The following GTF2H1 variants were observed in gnomAD, a reference collection of about 807,000 sequenced individuals.
GTF2H1 encodes general transcription factor IIH subunit 1.
A neutral mutation model predicts 71.2 loss-of-function variants in GTF2H1; 16 were observed. The observed-to-expected ratio is 0.22, with a 90% CI of 0.15 to 0.34. The LOEUF (loss-of-function observed/expected upper bound fraction) is 0.34, where lower values mean the gene tolerates loss of function less well. Among genes scored for constraint, GTF2H1 ranks in the 10% least tolerant of loss-of-function variants. GTF2H1 has a pLI of 1.00. For synonymous variants in GTF2H1, 215 were observed against 219.0 expected, an observed-to-expected ratio of 0.98 and a Z score of 0.16; for missense variants, 498 against 648.2, an observed-to-expected ratio of 0.77 and a Z score of 2.52.
intron 11 of GTF2H1, among the ~76,000 whole-genome samples, chr11:18,352,922 T>A (rs1865459922): frequency 1.3e-5 from 2 of 152,362 alleles, no homozygotes; most frequent in Non-Finnish European, 2.9e-5. Context: ...CTGCAAGTTG[T>A]CTTTCTAAAA....
chr11:18,355,027 C>T (rs1865510006), intron 11 of GTF2H1, among the ~76,000 whole-genome samples: 1 of 151,966 alleles, frequency 6.6e-6, no homozygotes, highest in Non-Finnish European at 1.5e-5. Flanking sequence ...CCAGGCTGGT[C>T]TTTAACTCCT....
At chr11:18,364,945 C>T (rs1236364854) in intron 14 of GTF2H1, among the ~76,000 whole-genome samples, 2 of 151,802 alleles carry the variant, frequency 1.3e-5, no homozygotes, top group Non-Finnish European at 2.9e-5. Flanking sequence ...GATGTATATA[C>T]GGGGCTGGGC....
intron 1 of GTF2H1, among the ~76,000 whole-genome samples, chr11:18,324,682 T>A (rs1403205364): frequency 6.6e-6 from 1 of 152,032 alleles, no homozygotes; most frequent in Non-Finnish European, 1.5e-5. Context: ...GCCCTTCCTT[T>A]CTCTTTCCTG....
intron 13 of GTF2H1, 87 bp from the exon 14 acceptor site, chr11:18,360,528 G>A: frequency 3.2e-6 from 2 of 632,176 alleles, no homozygotes; most frequent in East Asian, 3.0e-5. Flanking sequence ...TACAAGAAAA[G>A]TAACTTTCAT....
At chr11:18,341,168 TC>T in intron 5 of GTF2H1, 92 bp from the exon 6 acceptor site, 1 of 888,914 alleles carries the variant, frequency 1.1e-6, no homozygotes, top group East Asian at 2.6e-5. Context: ...AGCTTTATGG[TC>T]TAGATTTTGC....
intron 9 of GTF2H1, among the ~76,000 whole-genome samples, chr11:18,350,369 A>G (rs1215431922): frequency 6.6e-6 from 1 of 152,160 alleles, no homozygotes; most frequent in African/African-American, 2.4e-5. Flanking sequence ...AGCTTGACAT[A>G]TGTCAAAAAT....
chr11:18,341,746 G>A (rs187967239), intron 7 of GTF2H1, 139 bp downstream of exon 7: 107 of 567,740 alleles, frequency 1.9e-4, no homozygotes, highest in Non-Finnish European at 3.1e-6. Flanking sequence ...TTTATCGGAA[G>A]TGCTTTGAAA....
intron 5 of GTF2H1, among the ~76,000 whole-genome samples, chr11:18,340,288 CT>C (rs11438773): frequency 3.2e-3 from 460 of 144,362 alleles, no homozygotes; most frequent in Middle Eastern, 3.6e-3. Flanking sequence ...GACCCTATCT[CT>C]TTTTTTTTTT....
chr11:18,353,396 G>A (rs1202120047), intron 11 of GTF2H1, among the ~76,000 whole-genome samples: 3 of 152,130 alleles, frequency 2.0e-5, no homozygotes, highest in Admixed American at 6.6e-5. Flanking sequence ...CATCTTCAGC[G>A]ATAGTCTCCG....
chr11:18,351,165 T>TG (rs1381997069), intron 9 of GTF2H1, among the ~76,000 whole-genome samples: 1 of 151,972 alleles, frequency 6.6e-6, no homozygotes, highest in Non-Finnish European at 1.5e-5. Flanking sequence ...TGGTAGCATG[T>TG]GTCTGTAATC....
At chr11:18,351,851 A>C (rs1229209126) in intron 9 of GTF2H1, 30 bp from the exon 10 acceptor site, 4 of 1,145,752 alleles carry the variant, frequency 3.5e-6, no homozygotes, top group Middle Eastern at 2.0e-4. Context: ...AGTTGTGACA[A>C]AATAAAAAGT....
chr11:18,355,012 G>A (rs778738741), intron 11 of GTF2H1, among the ~76,000 whole-genome samples: 1 of 151,896 alleles, frequency 6.6e-6, no homozygotes, highest in Non-Finnish European at 1.5e-5. Flanking sequence ...GTTTTGCCAT[G>A]TTGCCCAGGC....
At chr11:18,362,981 T>G (rs775522395) in intron 14 of GTF2H1, among the ~76,000 whole-genome samples, 1 of 152,066 alleles carries the variant, frequency 6.6e-6, no homozygotes, top group Non-Finnish European at 1.5e-5. Flanking sequence ...TTTTTTCTAT[T>G]TTTAATTTTT....
At position 18,366,067 on chromosome 11, in the gene GTF2H1, A is replaced by G; in HGVS notation, c.*198A>G. ...GGAAAGAAGGGACTAAATGCTGGGG[A>G]GGTAAATTAAGACAGAACCAAATGA... On this transcript the variant is annotated 3_prime_UTR_variant, in exon 15 of 15. Transcript: ENST00000265963. 1.7e-6 allele frequency: 1 copy of G among 579,860 alleles called. No homozygotes were observed. Among genetic ancestry groups the G allele is most frequent in the East Asian group, 2.8e-5 (1 of 35,816 alleles). The allele number at this position is 579,860 out of a possible 1,614,324, so 35.9% of individuals were successfully genotyped here.
intron 14 of GTF2H1, among the ~76,000 whole-genome samples, chr11:18,361,111 A>G (rs867571820): frequency 1.3e-5 from 2 of 151,980 alleles, no homozygotes; most frequent in Middle Eastern, 3.4e-3. Context: ...CCAATACTTT[A>G]TTTTCTGTTG....
At chr11:18,349,499 A>G (rs1590193564) in intron 9 of GTF2H1, among the ~76,000 whole-genome samples, 1 of 152,150 alleles carries the variant, frequency 6.6e-6, no homozygotes. Context: ...CCTGGCCAGC[A>G]TGGTGAAACC....
intron 1 of GTF2H1, among the ~76,000 whole-genome samples, chr11:18,332,200 T>C (rs889787215): frequency 2.0e-5 from 3 of 152,228 alleles, no homozygotes; most frequent in African/African-American, 7.2e-5. Flanking sequence ...GCAAACGTAA[T>C]TGTTAAATTA....
intron 11 of GTF2H1, among the ~76,000 whole-genome samples, chr11:18,355,875 C>T (rs1374208152): frequency 6.6e-6 from 1 of 152,188 alleles, no homozygotes; most frequent in Non-Finnish European, 1.5e-5. Context: ...AAAACCGGTT[C>T]TGTCACCCCA....
intron 7 of GTF2H1, among the ~76,000 whole-genome samples, chr11:18,346,733 C>CTTTTTTTTTTTTTTTTTTTTTTTT (rs35494754): frequency 7.0e-5 from 6 of 85,216 alleles, no homozygotes; most frequent in Admixed American, 1.8e-4. Flanking sequence ...TTTTTATTTA[C>CTTTTTTTTTTTTTTTTTTTTTTTT]TTTTTTTTTT....
Sources: allele counts gnomAD v4.1 joint callset (sites outside exome capture counted in the v4.1 genomes callset), GRCh38; gene constraint gnomAD v4.1.1; transcripts MANE v1.5; gene names NCBI Gene and HGNC (gene_info 2026-07-23, HGNC 2026-07-21).